B3GALT1: variants seen among roughly 807,000 people sequenced by gnomAD.
The protein encoded by B3GALT1 is UDP-Gal:betaGlcNAc beta 1,3-galactosyltransferase, polypeptide 1.
A neutral mutation model predicts 23.2 loss-of-function variants in B3GALT1; 10 were observed. The observed-to-expected ratio is 0.43, with a 90% confidence interval of 0.27 to 0.73. The LOEUF is 0.73. Ranked by LOEUF, B3GALT1 falls within the 30% of genes least tolerant of loss-of-function variation. The probability of loss-of-function intolerance (pLI) is 0.21; values close to 1 mark genes in which losing one functional copy is unlikely to be tolerated. For synonymous variants in B3GALT1, 156 were observed against 141.5 expected (o/e 1.10, Z -0.73); for missense variants, 299 against 405.4 (o/e 0.74, Z 2.25).
chr2:167,737,901 T>G (rs1687517591), intron 3 of B3GALT1, among the ~76,000 whole-genome samples: 1 of 152,200 alleles, frequency 6.6e-6, no homozygotes, highest in Non-Finnish European at 1.5e-5. Context: ...GTGGGAATTT[T>G]GGGAAGGAAA....
chr2:167,356,368 A>G (rs893737214), intron 1 of B3GALT1, among the ~76,000 whole-genome samples: 1 of 152,188 alleles, frequency 6.6e-6, no homozygotes, highest in Non-Finnish European at 1.5e-5. Context: ...AGAGCGATGT[A>G]TTTATTTGAT....
At position 167,715,779 on chromosome 2, in the gene B3GALT1, A is replaced by G. The variant is rs987318730; in HGVS notation, c.-352+68813A>G. 4.3e-6 allele frequency: 7 copies of G among 1,613,298 alleles called. No individual in the cohort carries two copies. In the Admixed American group the frequency reaches 1.0e-4, roughly 23 times the overall value. On this transcript the variant is annotated intron_variant, in intron 3 of 4. Transcript: ENST00000392690. ...TCATACTCTTTTGGAATAAGGCTAA[A>G]TTTTTCAAGTAGTTTACATTTTTCT...
chr2:167,859,875 T>C (rs1690065683), intron 4 of B3GALT1, among the ~76,000 whole-genome samples: 1 of 152,212 alleles, frequency 6.6e-6, no homozygotes, highest in Non-Finnish European at 1.5e-5. Context: ...GTAGATTTCC[T>C]TAAATAGCCA....
intron 1 of B3GALT1, among the ~76,000 whole-genome samples, chr2:167,356,766 CAT>C (rs1394364616): frequency 6.6e-6 from 1 of 151,720 alleles, no homozygotes; most frequent in African/African-American, 2.4e-5. Context: ...TGTACACACA[CAT>C]ATAGTTATTA....
intron 2 of B3GALT1, among the ~76,000 whole-genome samples, chr2:167,545,922 A>C (rs1400663511): frequency 6.6e-6 from 1 of 152,236 alleles, no homozygotes; most frequent in African/African-American, 2.4e-5. Context: ...GATGGGACCC[A>C]ACTTTAAATA....
At chr2:167,456,616 A>G (rs540616700) in intron 1 of B3GALT1, among the ~76,000 whole-genome samples, 2 of 152,218 alleles carry the variant, frequency 1.3e-5, no homozygotes, top group African/African-American at 2.4e-5. Context: ...CTAGAAAGTC[A>G]AGGGTTCCCT....
At chr2:167,598,124 T>C (rs1296485683) in intron 2 of B3GALT1, among the ~76,000 whole-genome samples, 2 of 152,200 alleles carry the variant, frequency 1.3e-5, no homozygotes, top group African/African-American at 4.8e-5. Context: ...CTAGCAGATA[T>C]TATGTGGATC....
chr2:167,840,323 A>C (rs1483346511), intron 4 of B3GALT1, among the ~76,000 whole-genome samples: 3 of 152,188 alleles, frequency 2.0e-5, no homozygotes, highest in Non-Finnish European at 1.5e-5. Context: ...GAACTCAAAC[A>C]AATTTACAAG....
intron 3 of B3GALT1, among the ~76,000 whole-genome samples, chr2:167,740,342 T>C (rs1687560341): frequency 6.6e-6 from 1 of 152,150 alleles, no homozygotes; most frequent in Non-Finnish European, 1.5e-5. Flanking sequence ...TTCAGAGTTC[T>C]TTGGCCTATT....
intron 4 of B3GALT1, among the ~76,000 whole-genome samples, chr2:167,831,131 A>G (rs988441587): frequency 6.6e-6 from 1 of 152,222 alleles, no homozygotes; most frequent in East Asian, 1.9e-4. Context: ...TACATTTGAC[A>G]CACTTATTCA....
At chr2:167,509,434 A>ATG (rs147601850) in intron 2 of B3GALT1, among the ~76,000 whole-genome samples, 2,278 of 151,636 alleles carry the variant, frequency 0.015, 28 homozygotes, top group Middle Eastern at 0.024. Context: ...ATATATACAT[A>ATG]TGTGTGTGTG....
At position 167,871,007 on chromosome 2, in the gene B3GALT1, G is replaced by T; in HGVS notation, c.*987G>T. The T allele has an allele frequency of 6.2e-6, 1 of 161,262 alleles. No homozygotes were observed. The allele number at this position is 161,262 out of a possible 1,614,324, so 10.0% of individuals were successfully genotyped here. A position where few individuals can be genotyped will look rare whatever the true frequency, so the allele number is the denominator to read the frequency against. On this transcript the variant is annotated 3_prime_UTR_variant, in exon 5 of 5. Transcript: ENST00000392690. Reference sequence around the variant, plus strand: ...ACACAGACATTTGCAAAGCACATGAGAAAATCTTTAAGGGTGTCAATATTA... The same window carrying T: ...ACACAGACATTTGCAAAGCACATGATAAAATCTTTAAGGGTGTCAATATTA...
chr2:167,563,452 G>A (rs1684063249), intron 2 of B3GALT1, among the ~76,000 whole-genome samples: 1 of 122,736 alleles, frequency 8.1e-6, no homozygotes, highest in African/African-American at 3.4e-5. Context: ...GGCTGGCCAG[G>A]CAGAGGAGCT....
In B3GALT1 at chr2:167,328,669, C is replaced by T. The variant is rs955193718; in HGVS notation, c.-511+35335C>T. On this transcript the variant is annotated intron_variant, in intron 1 of 4. Transcript: ENST00000392690. ...AGAACCAACTTTTCATGTATTTGAT[C>T]GTTTGTAATTTTCTTAGTCTCTATT... Among the ~76,000 whole-genome samples the T allele has an allele frequency of 4.0e-5, 6 of 151,830 alleles. 1 individual carries two copies. Among genetic ancestry groups the T allele is most frequent in the Admixed American group, 3.9e-4 (6 of 15,224 alleles).
intron 3 of B3GALT1, among the ~76,000 whole-genome samples, chr2:167,700,342 G>C (rs1686859346): frequency 6.6e-6 from 1 of 152,118 alleles, no homozygotes; most frequent in South Asian, 2.1e-4. Flanking sequence ...ACCTTTTCTT[G>C]ATCTGTTAGA....
intron 2 of B3GALT1, among the ~76,000 whole-genome samples, chr2:167,635,212 A>C (rs914487133): frequency 2.6e-5 from 4 of 152,128 alleles, no homozygotes; most frequent in African/African-American, 9.7e-5. Flanking sequence ...AAAAAATAAG[A>C]GCTATTTATG....
chr2:167,422,094 T>G (rs1326187697), intron 1 of B3GALT1, among the ~76,000 whole-genome samples: 107 of 88,734 alleles, frequency 1.2e-3, no homozygotes, highest in Admixed American at 2.9e-3. Context: ...AGAGGGGGAG[T>G]GCAAAGGGGA....
chr2:167,550,121 A>G (rs777188042), intron 2 of B3GALT1, among the ~76,000 whole-genome samples: 8 of 152,232 alleles, frequency 5.3e-5, no homozygotes, highest in Non-Finnish European at 8.8e-5. Context: ...TCTAATCTCA[A>G]AAGTCAACAT....
intron 2 of B3GALT1, among the ~76,000 whole-genome samples, chr2:167,508,227 A>G (rs926614234): frequency 6.7e-6 from 1 of 150,310 alleles, no homozygotes; most frequent in African/African-American, 2.4e-5. Context: ...TACTTCACAG[A>G]TGTTTCTTTC....
Sources: gnomAD v4.1 joint callset for allele counts (sites outside exome capture counted in the v4.1 genomes callset) on GRCh38, gnomAD v4.1.1 for gene constraint, MANE v1.5 for transcripts, NCBI Gene and HGNC (gene_info 2026-07-23, HGNC 2026-07-21) for gene names.